RPS6KA2: variants seen among roughly 807,000 people sequenced by gnomAD.
RPS6KA2 encodes the protein ribosomal protein S6 kinase A2, also known as ribosomal protein S6 kinase alpha-2.
Under a neutral mutation model 91.8 loss-of-function variants are expected in RPS6KA2, and 42 were observed. The observed-to-expected ratio is 0.46, with a 90% CI of 0.36 to 0.59. The LOEUF is 0.59. RPS6KA2 is among the 20% of genes least tolerant of loss of function. The pLI is 0.00. For synonymous variants in RPS6KA2, 414 were observed against 393.6 expected, an observed-to-expected ratio of 1.05 and a Z score of -0.61; for missense variants, 798 against 978.5, an observed-to-expected ratio of 0.82 and a Z score of 2.46.
At chr6:166,696,798 G>A (rs1789372186) in intron 2 of RPS6KA2, among the ~76,000 whole-genome samples, 1 of 152,170 alleles carries the variant, frequency 6.6e-6, no homozygotes, top group Non-Finnish European at 1.5e-5. Flanking sequence ...TTCCCGCCTG[G>A]CCACCTTGAG....
intron 2 of RPS6KA2, among the ~76,000 whole-genome samples, chr6:166,724,167 A>G (rs1236424530): frequency 6.6e-6 from 1 of 152,196 alleles, no homozygotes; most frequent in Non-Finnish European, 1.5e-5. Flanking sequence ...ATGCTATATT[A>G]AGTGTGTATG....
At chr6:166,661,358 C>T (rs912268717) in intron 2 of RPS6KA2, among the ~76,000 whole-genome samples, 1 of 152,150 alleles carries the variant, frequency 6.6e-6, no homozygotes, top group Non-Finnish European at 1.5e-5. Flanking sequence ...CCTCGGCCTC[C>T]CCAAGTTCTA....
Position 166,724,175 on chromosome 6 carries a change from A to G in RPS6KA2, c.123+134025T>C, listed in dbSNP as rs548370725. ...ATCAAATATGCTATATTAAGTGTGTATGTGTGTGTGTATATAAATATATTT... is the reference window on the plus strand; with the variant it reads ...ATCAAATATGCTATATTAAGTGTGTGTGTGTGTGTGTATATAAATATATTT... On this transcript the variant is annotated intron_variant, in intron 2 of 21. Coordinates refer to the RPS6KA2 transcript ENST00000503859. 2.6e-5 allele frequency among the ~76,000 whole-genome samples: 4 copies of G among 152,220 alleles called. No individual in the cohort carries two copies. In the South Asian group the frequency reaches 8.3e-4, roughly 32 times the overall value.
chr6:166,581,772 C>G (rs10455979), intron 1 of RPS6KA2, among the ~76,000 whole-genome samples: 66,657 of 131,356 alleles, frequency 0.51, 17,810 homozygotes, highest in East Asian at 0.7. Flanking sequence ...GGGAGAGGGC[C>G]GGATGGGGTG....
chr6:166,529,110 A>ACACATGCACATGCATGTTTATTGTGGC (rs1783166761), intron 3 of RPS6KA2, among the ~76,000 whole-genome samples: 1 of 152,214 alleles, frequency 6.6e-6, no homozygotes, highest in Non-Finnish European at 1.5e-5. Flanking sequence ...TGCTATAAAG[A>ACACATGCACATGCATGTTTATTGTGGC]CACATGCACA....
At chr6:166,474,614 TG>T (rs11291505) in intron 10 of RPS6KA2, among the ~76,000 whole-genome samples, 33,954 of 151,976 alleles carry the variant, frequency 0.22, 6,288 homozygotes, top group East Asian at 0.52. Flanking sequence ...ACTCCTGTCC[TG>T]GGGGGGAAGT....
At chr6:166,697,882 C>A (rs1789401188) in intron 2 of RPS6KA2, among the ~76,000 whole-genome samples, 1 of 152,108 alleles carries the variant, frequency 6.6e-6, no homozygotes, top group Non-Finnish European at 1.5e-5. Context: ...CTTCTGTAGC[C>A]CCAGAAAATG....
intron 2 of RPS6KA2, among the ~76,000 whole-genome samples, chr6:166,730,087 G>A (rs927045205): frequency 6.6e-6 from 1 of 152,206 alleles, no homozygotes; most frequent in Non-Finnish European, 1.5e-5. Context: ...GAAGGATTAA[G>A]ATTCTCACAT....
intron 2 of RPS6KA2, among the ~76,000 whole-genome samples, chr6:166,675,158 G>T (rs553758417): frequency 6.6e-6 from 1 of 152,164 alleles, no homozygotes; most frequent in East Asian, 1.9e-4. Flanking sequence ...GCCAGCAAGC[G>T]GAGGGCACTC....
chr6:166,798,324 G>C (rs1779276446), intron 2 of RPS6KA2, among the ~76,000 whole-genome samples: 1 of 152,234 alleles, frequency 6.6e-6, no homozygotes, highest in Admixed American at 6.5e-5. Flanking sequence ...GGCCTCAAAA[G>C]TGCCAATGCC....
intron 2 of RPS6KA2, among the ~76,000 whole-genome samples, chr6:166,783,495 A>C (rs1268280967): frequency 6.6e-6 from 1 of 152,136 alleles, no homozygotes; most frequent in Non-Finnish European, 1.5e-5. Flanking sequence ...TAACAAAAGC[A>C]AATTGCTGTC....
chr6:166,503,491 C>A (rs915780295), intron 6 of RPS6KA2, among the ~76,000 whole-genome samples: 7 of 152,172 alleles, frequency 4.6e-5, no homozygotes, highest in African/African-American at 1.7e-4. Flanking sequence ...ACCCCAGGGC[C>A]CCCCCTTGGT....
chr6:166,480,482 TATATATATA>T (rs1781161009), intron 10 of RPS6KA2, among the ~76,000 whole-genome samples: 2 of 10,460 alleles, frequency 1.9e-4, no homozygotes, highest in Admixed American at 1.2e-3. Flanking sequence ...TGTGATTTTA[TATATATATA>T]TATATATATA....
At chr6:166,742,902 C>T (rs1338445194) in intron 2 of RPS6KA2, among the ~76,000 whole-genome samples, 1 of 152,238 alleles carries the variant, frequency 6.6e-6, no homozygotes, top group Non-Finnish European at 1.5e-5. Context: ...TATGGAGGCA[C>T]AAGTTGCTCT....
intron 2 of RPS6KA2, among the ~76,000 whole-genome samples, chr6:166,775,223 T>C (rs56329501): frequency 0.15 from 22,500 of 151,308 alleles, 1,749 homozygotes; most frequent in Middle Eastern, 0.2. Context: ...CCTGGGCCCT[T>C]CCTCCAAAAA....
rs764188032 is a variant in RPS6KA2, at chr6:166,451,148, G to A, written c.1161C>T (p.Pro387=). Residue 387 remains proline (P), a synonymous_variant, in exon 13 of 21, where the codon CCC becomes CCT. Transcript: ENST00000265678. The part of the protein sequence containing the change: ...SFVASSLIQE[P]SQQDLHKVPV... ...GGACTTTGTGCAGATCTTGCTGTGA[G>A]GGCTCCTGGATCAGGCTTGAGGCCA... is the stretch of plus-strand genomic sequence containing the variant. The A allele has an allele frequency of 6.9e-5, 111 of 1,614,112 alleles. No homozygotes were observed. The highest frequency in any genetic ancestry group is 7.5e-5 in the Non-Finnish European group (89 of 1,179,996).
chr6:166,760,202 G>A (rs977276669), intron 2 of RPS6KA2, among the ~76,000 whole-genome samples: 2 of 152,218 alleles, frequency 1.3e-5, no homozygotes, highest in Non-Finnish European at 2.9e-5. Flanking sequence ...CAAATCAGGG[G>A]CACCTGGGGA....
intron 2 of RPS6KA2, among the ~76,000 whole-genome samples, chr6:166,843,445 C>G (rs750017858): frequency 6.6e-5 from 10 of 152,324 alleles, no homozygotes; most frequent in Middle Eastern, 3.4e-3. Context: ...GCACCACCTC[C>G]TGGCTGGAGG....
intron 1 of RPS6KA2, among the ~76,000 whole-genome samples, chr6:166,564,208 T>C (rs879154591): frequency 6.6e-6 from 1 of 152,228 alleles, no homozygotes; most frequent in Admixed American, 6.5e-5. Context: ...CCTCCAGGTG[T>C]CTTCACTCCA....
Sources: allele counts gnomAD v4.1 joint callset (sites outside exome capture counted in the v4.1 genomes callset), GRCh38; gene constraint gnomAD v4.1.1; transcripts MANE v1.5; gene names NCBI Gene and HGNC (gene_info 2026-07-23, HGNC 2026-07-21).